C8orf82: variants seen among roughly 807,000 people sequenced by gnomAD.
C8orf82 encodes UPF0598 protein C8orf82.
Under a neutral mutation model 15.0 loss-of-function variants are expected in C8orf82, and 24 were observed. The ratio of observed to expected loss-of-function variants is 1.60; its 90% CI spans 1.16 to 2.24. The LOEUF (loss-of-function observed/expected upper bound fraction) is 2.24, where lower values mean the gene tolerates loss of function less well. C8orf82 is among the 30% of genes most tolerant of loss of function. C8orf82 has a pLI of 0.00. For synonymous variants in C8orf82, 205 were observed against 152.2 expected (o/e 1.35, Z -2.55); for missense variants, 388 against 317.4 (o/e 1.22, Z -1.69).
chr8:144,528,959 C>A lies in C8orf82; in HGVS notation c.-43G>T. On this transcript the variant is annotated 5_prime_UTR_variant, in exon 1 of 3. Transcript: ENST00000524821. Reference sequence around the variant, plus strand: ...AGCGACCAGCAGGTCACGCCGGGGGCGGTGCTGCGCGAACTCGCGCCTGCC... The same window carrying A: ...AGCGACCAGCAGGTCACGCCGGGGGAGGTGCTGCGCGAACTCGCGCCTGCC... 1 of 1,463,364 alleles carries A rather than the reference C, an allele frequency of 6.8e-7. No homozygotes were observed. 90.6% of individuals were successfully genotyped at this position (1,463,364 alleles called of 1,614,324 possible). A position where few individuals can be genotyped will look rare whatever the true frequency, so the allele number is the denominator to read the frequency against.
At chr8:144,528,577 C>G (rs1564828145) in intron 1 of C8orf82, 184 bp downstream of exon 1, 5 of 1,256,400 alleles carry the variant, frequency 4.0e-6, no homozygotes, top group Non-Finnish European at 5.2e-6. Context: ...GCGCTCTCCT[C>G]CAGCTCTGAG....
chr8:144,528,180 T>C, intron 1 of C8orf82, 108 bp from the exon 2 acceptor site: 1 of 1,540,472 alleles, frequency 6.5e-7, no homozygotes. Context: ...GAGCCCACTT[T>C]TCCTGCTTGT....
chr8:144,528,803 C>A lies in C8orf82; in HGVS notation c.114G>T (p.Pro38=), dbSNP rs115228909. The change falls in exon 1 of 3, where the codon CCG becomes CCT. Residue 38 remains proline (P), a synonymous_variant. Coordinates refer to ENST00000524821, the MANE Select transcript of C8orf82 (RefSeq NM_001001795.2). ...CGTAGTAGAAATACTCGCGGGTCCG[C>A]GGCTCCGGACTCTGGCCCTGCGTGT... ...VSYTQGQSPE[P]RTREYFYYVD... is the part of the protein sequence containing the mutation. The A allele has an allele frequency of 2.0e-6, 3 of 1,469,320 alleles. No homozygotes were observed. The highest frequency in any genetic ancestry group is 1.4e-5 in the South Asian group (1 of 73,416). 91.0% of individuals were successfully genotyped at this position (1,469,320 alleles called of 1,614,324 possible). A position where few individuals can be genotyped will look rare whatever the true frequency, so the allele number is the denominator to read the frequency against.
chr8:144,529,096 G>A lies in C8orf82; in HGVS notation c.-180C>T, dbSNP rs1816530942. Reference sequence around the variant, plus strand: ...GCTCGCCCGCCCTGGCCTTCCGAGAGGCGTGTGCCGGTGACGCCCCTTCCG... The same window carrying A: ...GCTCGCCCGCCCTGGCCTTCCGAGAAGCGTGTGCCGGTGACGCCCCTTCCG... On this transcript the variant is annotated 5_prime_UTR_variant, in exon 1 of 3. Transcript: ENST00000524821. The A allele has an allele frequency of 1.8e-6, 1 of 543,322 alleles. No individual in the cohort carries two copies. The highest frequency in any genetic ancestry group is 2.9e-6 in the Non-Finnish European group (1 of 340,968). 33.7% of individuals were successfully genotyped at this position (543,322 alleles called of 1,614,324 possible).
In C8orf82 at chr8:144,528,749, GC is replaced by G. The variant is rs778830257; in HGVS notation, c.156+11del. The G allele has an allele frequency of 1.8e-6, 2 of 1,107,390 alleles. No homozygotes were observed. Among genetic ancestry groups the G allele is most frequent in the East Asian group, 6.5e-5 (1 of 15,320 alleles). The allele number at this position is 1,107,390 out of a possible 1,614,324, so 68.6% of individuals were successfully genotyped here. ...GCCCCGCCTCTCGAGCAACGGCCCT[GC>G]CCCCGCCCACCTGGCCCTGGTGGTC... On this transcript the variant is annotated intron_variant, in intron 1 of 2. Transcript: ENST00000524821.
chr8:144,528,831 G>A lies in C8orf82; in HGVS notation c.86C>T (p.Ser29Phe). The A allele has an allele frequency of 6.6e-7, 1 of 1,520,850 alleles. No homozygotes were observed. The highest frequency in any genetic ancestry group is 8.8e-7 in the Non-Finnish European group (1 of 1,136,774). 94.2% of individuals were successfully genotyped at this position (1,520,850 alleles called of 1,614,324 possible). A position where few individuals can be genotyped will look rare whatever the true frequency, so the allele number is the denominator to read the frequency against. The change falls in exon 1 of 3, where the codon TCC becomes TTC. Residue 29 changes from serine to phenylalanine, a missense_variant. Coordinates refer to ENST00000524821, the MANE Select transcript of C8orf82 (RefSeq NM_001001795.2). The part of the protein sequence containing the change: ...ARACSGDGGV[S>F]YTQGQSPEPR... ...CTCCGGACTCTGGCCCTGCGTGTAG[G>A]AAACGCCCCCATCCCCGCTGCAGGC... is the stretch of plus-strand genomic sequence containing the variant.
chr8:144,527,156 G>C lies in C8orf82; in HGVS notation c.*186C>G, dbSNP rs1816395166. ...GGTGCGCGGGGGGCGCGCGCCGTGG[G>C]GAGCGGGGTGTCCGGGAGGGCCGGG... is the stretch of plus-strand genomic sequence containing the variant. On this transcript the variant is annotated 3_prime_UTR_variant, in exon 3 of 3. Transcript: ENST00000524821. 1 of 281,000 alleles carries C rather than the reference G, an allele frequency of 3.6e-6. No individual in the cohort carries two copies. Among genetic ancestry groups the C allele is most frequent in the Admixed American group, 5.7e-5 (1 of 17,426 alleles). The allele number at this position is 281,000 out of a possible 1,614,324, so 17.4% of individuals were successfully genotyped here. A position where few individuals can be genotyped will look rare whatever the true frequency, so the allele number is the denominator to read the frequency against.
chr8:144,527,841 G>A (rs751464036), intron 2 of C8orf82, 54 bp from the exon 3 acceptor site: 2 of 1,572,806 alleles, frequency 1.3e-6, no homozygotes, highest in South Asian at 1.1e-5. Flanking sequence ...AGGCCTCCGG[G>A]CCCAGGACCA....
In C8orf82 at chr8:144,527,248, G is replaced by T; in HGVS notation, c.*94C>A. ...GAGCGCGCAGGCGCACTAGGCTGCCGCGAGCGCGGGTGGCGCGGGCTTTCC... is the reference window on the plus strand; with the variant it reads ...GAGCGCGCAGGCGCACTAGGCTGCCTCGAGCGCGGGTGGCGCGGGCTTTCC... On this transcript the variant is annotated 3_prime_UTR_variant, in exon 3 of 3. Transcript: ENST00000524821. The T allele has an allele frequency of 1.1e-6, 1 of 908,558 alleles. No homozygotes were observed. Among genetic ancestry groups the T allele is most frequent in the Non-Finnish European group, 1.4e-6 (1 of 721,310 alleles). 56.3% of individuals were successfully genotyped at this position (908,558 alleles called of 1,614,324 possible).
rs1396483400 is a variant in C8orf82 at position 144,526,233 on chromosome 8, A to G, written c.*1109T>C. The G allele has an allele frequency of 6.6e-6, 1 of 152,244 alleles. No individual in the cohort carries two copies. Among genetic ancestry groups the G allele is most frequent in the Non-Finnish European group, 1.5e-5 (1 of 68,044 alleles). The allele number at this position is 152,244 out of a possible 1,614,324, so 9.4% of individuals were successfully genotyped here. On this transcript the variant is annotated 3_prime_UTR_variant, in exon 3 of 3. Coordinates refer to ENST00000524821, the MANE Select transcript of C8orf82 (RefSeq NM_001001795.2). ...CTAGAAATAAGTAAGCACAGCAATA[A>G]AGTTTTAATGGAATAGCTTTGGCCC...
At position 144,527,553 on chromosome 8, in the gene C8orf82, G is replaced by A; in HGVS notation, c.440C>T (p.Pro147Leu). 7.1e-7 allele frequency: 1 copy of A among 1,416,654 alleles called. No individual in the cohort carries two copies. The highest frequency in any genetic ancestry group is 9.1e-7 in the Non-Finnish European group (1 of 1,093,402). 87.8% of individuals were successfully genotyped at this position (1,416,654 alleles called of 1,614,324 possible). Residue 147 changes from proline to leucine, a missense_variant, in exon 3 of 3, where the codon CCC becomes CTC. Pro to Leu is a moderately conservative substitution (Grantham distance 98). Coordinates refer to ENST00000524821, the MANE Select transcript of C8orf82 (RefSeq NM_001001795.2). ...GTACAGGCGCCCGTTGGCGGCCAGG[G>A]GCAGCAGGCGCGCCGGCTCGAAGGG... is the stretch of plus-strand genomic sequence containing the variant. ...AVPFEPARLLPLAANGRLYHP... is the reference protein window; with the variant it reads ...AVPFEPARLLLLAANGRLYHP...
Position 144,527,663 on chromosome 8 carries a change from C to T in C8orf82, c.330G>A (p.Arg110=). The change falls in exon 3 of 3, where the codon CGG becomes CGA. Residue 110 remains arginine, a synonymous_variant. Coordinates refer to ENST00000524821, the MANE Select transcript of C8orf82 (RefSeq NM_001001795.2). ...TCAGCAGGTGCGTGAAGACCACCGGCCGGTCCTCGCAGCGCAGGAAGTTGC... is the reference window on the plus strand; with the variant it reads ...TCAGCAGGTGCGTGAAGACCACCGGTCGGTCCTCGCAGCGCAGGAAGTTGC... ...RERNFLRCED[R]PVVFTHLLTA... 6.4e-7 allele frequency: 1 copy of T among 1,555,734 alleles called. No individual in the cohort carries two copies. The highest frequency in any genetic ancestry group is 8.6e-7 in the Non-Finnish European group (1 of 1,158,436).
Position 144,527,535 on chromosome 8 carries a change from C to G in C8orf82, c.458G>C (p.Arg153Pro). The G allele has an allele frequency of 7.2e-7, 1 of 1,387,746 alleles. No homozygotes were observed. Among genetic ancestry groups the G allele is most frequent in the Non-Finnish European group, 9.3e-7 (1 of 1,077,994 alleles). The allele number at this position is 1,387,746 out of a possible 1,614,324, so 86.0% of individuals were successfully genotyped here. ...ARLLPLAANG[R>P]LYHPAPERAG... ...ACGCTCCGGCGCCGGGTGGTACAGG[C>G]GCCCGTTGGCGGCCAGGGGCAGCAG... Residue 153 changes from arginine to proline, a missense_variant, in exon 3 of 3, where the codon CGC (arginine) becomes CCC (proline). Physicochemically the swap from Arg to Pro is moderately radical, Grantham distance 103. Coordinates refer to ENST00000524821, the MANE Select transcript of C8orf82 (RefSeq NM_001001795.2).
Position 144,526,722 on chromosome 8 carries a change from C to G in C8orf82, c.*620G>C, listed in dbSNP as rs904465456. ...TGCGAGGCCCAAGCTGGTCTTTGGG[C>G]GGCCCTTGCGCACCTCTGCAGCGCT... On this transcript the variant is annotated 3_prime_UTR_variant, in exon 3 of 3. Coordinates refer to ENST00000524821, the MANE Select transcript of C8orf82 (RefSeq NM_001001795.2). 5 of 152,396 alleles carry G rather than the reference C, an allele frequency of 3.3e-5. No homozygotes were observed. Among genetic ancestry groups the G allele is most frequent in the African/African-American group, 9.6e-5 (4 of 41,588 alleles). The allele number at this position is 152,396 out of a possible 1,614,324, so 9.4% of individuals were successfully genotyped here.
At chr8:144,527,993 G>A in intron 2 of C8orf82, 31 bp downstream of exon 2, 1 of 1,609,722 alleles carries the variant, frequency 6.2e-7, no homozygotes, top group East Asian at 2.2e-5. Context: ...AAGGGAGAAA[G>A]AAGGGGCTGG....
chr8:144,528,780 T>C lies in C8orf82; in HGVS notation c.137A>G (p.Tyr46Cys), dbSNP rs1816503829. ...PEPRTREYFY[Y>C]VDHQGQLFLD... The stretch of plus-strand genomic sequence containing the variant: ...GCCCACCTGGCCCTGGTGGTCCACG[T>C]AGTAGAAATACTCGCGGGTCCGCGG... Residue 46 changes from tyrosine to cysteine, a missense_variant, in exon 1 of 3, where the codon TAC (tyrosine) becomes TGC (cysteine). Coordinates refer to ENST00000524821, the MANE Select transcript of C8orf82 (RefSeq NM_001001795.2). The C allele has an allele frequency of 1.5e-6, 2 of 1,343,352 alleles. No homozygotes were observed. The highest frequency in any genetic ancestry group is 2.9e-5 in the Admixed American group (1 of 34,730). The allele number at this position is 1,343,352 out of a possible 1,614,324, so 83.2% of individuals were successfully genotyped here.
In C8orf82 at chr8:144,527,411, G is replaced by A. The variant is rs1391505040; in HGVS notation, c.582C>T (p.Arg194=). 1 of 1,242,806 alleles carries A rather than the reference G, an allele frequency of 8.0e-7. No homozygotes were observed. Among genetic ancestry groups the A allele is most frequent in the Non-Finnish European group, 1.0e-6 (1 of 989,698 alleles). The allele number at this position is 1,242,806 out of a possible 1,614,324, so 77.0% of individuals were successfully genotyped here. The change falls in exon 3 of 3, where the codon CGC becomes CGT. Residue 194 remains arginine (R), a synonymous_variant. Transcript: ENST00000524821. ...PGAPALPSHV[R]WQGRRLALTM... is the part of the protein sequence containing the mutation. ...TGAGGGCGAGGCGGCGGCCCTGCCA[G>A]CGCACGTGCGAGGGCAGCGCAGGCG...
rs1816511962 is a variant in C8orf82 at position 144,528,870 on chromosome 8, G to A, written c.47C>T (p.Ser16Leu). The A allele has an allele frequency of 2.6e-6, 4 of 1,518,814 alleles. No individual in the cohort carries two copies. Among genetic ancestry groups the A allele is most frequent in the Non-Finnish European group, 3.5e-6 (4 of 1,135,252 alleles). The allele number at this position is 1,518,814 out of a possible 1,614,324, so 94.1% of individuals were successfully genotyped here. Residue 16 changes from serine (S) to leucine (L), a missense_variant, in exon 1 of 3, where the codon TCG (serine) becomes TTG (leucine). Coordinates refer to ENST00000524821, the MANE Select transcript of C8orf82 (RefSeq NM_001001795.2). Reference sequence around the variant, plus strand: ...CCCGCTGCAGGCCCGGGCTCCCCGCGACCGCGCCAAGGCCAGGGTCCGGAG... The same window carrying A: ...CCCGCTGCAGGCCCGGGCTCCCCGCAACCGCGCCAAGGCCAGGGTCCGGAG... Reference protein sequence around the residue: ...GTLRTLALARSRGARACSGDG... With the variant: ...GTLRTLALARLRGARACSGDG...
In C8orf82 at chr8:144,527,034, G is replaced by C. The variant is rs571386915; in HGVS notation, c.*308C>G. On this transcript the variant is annotated 3_prime_UTR_variant, in exon 3 of 3. Transcript: ENST00000524821. ...GCCCGAGCAGTCGCCGGGCTGGGAG[G>C]GGGCGGGGGACGCTCGCGCACGCGC... 2 of 157,344 alleles carry C rather than the reference G, an allele frequency of 1.3e-5. No individual in the cohort carries two copies. The highest frequency in any genetic ancestry group is 2.0e-4 in the South Asian group (1 of 4,902). 9.7% of individuals were successfully genotyped at this position (157,344 alleles called of 1,614,324 possible).
Sources: gnomAD v4.1 joint callset for allele counts on GRCh38, gnomAD v4.1.1 for gene constraint, MANE v1.5 for transcripts, NCBI Gene and HGNC (gene_info 2026-07-23, HGNC 2026-07-21) for gene names.